C8orf34: variants seen among roughly 807,000 people sequenced by gnomAD.
C8orf34 encodes chromosome 8 open reading frame 34.
In C8orf34, 65 loss-of-function variants were observed where a neutral mutation model predicts 68.3. The observed-to-expected ratio is 0.95, with a 90% CI of 0.78 to 1.17. The LOEUF (loss-of-function observed/expected upper bound fraction) is 1.17, where lower values mean the gene tolerates loss of function less well. Ranked by LOEUF, C8orf34 falls within the 50% of genes most tolerant of loss-of-function variation. The pLI is 0.00. For synonymous variants in C8orf34, 244 were observed against 241.2 expected, an observed-to-expected ratio of 1.01 and a Z score of -0.11; for missense variants, 664 against 655.4, an observed-to-expected ratio of 1.01 and a Z score of -0.14.
intron 7 of C8orf34, among the ~76,000 whole-genome samples, chr8:68,545,752 T>A (rs1041987653): frequency 2.0e-5 from 3 of 152,120 alleles, no homozygotes; most frequent in African/African-American, 7.2e-5. Context: ...TAGAAGGAAA[T>A]GATACCAGAG....
intron 11 of C8orf34, among the ~76,000 whole-genome samples, chr8:68,782,572 A>C (rs1309783718): frequency 2.6e-5 from 4 of 151,980 alleles, no homozygotes; most frequent in African/African-American, 7.3e-5. Flanking sequence ...ATCCCATTCT[A>C]TCCCAAAAGA....
intron 12 of C8orf34, among the ~76,000 whole-genome samples, chr8:68,796,984 G>A (rs773261845): frequency 9.2e-5 from 14 of 151,924 alleles, no homozygotes; most frequent in South Asian, 2.1e-4. Flanking sequence ...ATGCCACCAC[G>A]CCTGGCTAAT....
intron 7 of C8orf34, among the ~76,000 whole-genome samples, chr8:68,597,223 A>G (rs556856688): frequency 6.6e-6 from 1 of 152,072 alleles, no homozygotes; most frequent in African/African-American, 2.4e-5. Flanking sequence ...CCCCCTTGGA[A>G]CAAGCAGCGA....
At chr8:68,635,871 T>G (rs923517915) in intron 7 of C8orf34, among the ~76,000 whole-genome samples, 2 of 152,166 alleles carry the variant, frequency 1.3e-5, no homozygotes, top group Non-Finnish European at 2.9e-5. Context: ...GACAAACCTT[T>G]AGATATTTGA....
intron 7 of C8orf34, among the ~76,000 whole-genome samples, chr8:68,616,683 A>G (rs1222563219): frequency 6.6e-6 from 1 of 152,006 alleles, no homozygotes; most frequent in Admixed American, 6.6e-5. Flanking sequence ...GTTCTTTTAC[A>G]TTTGCTGAGG....
intron 7 of C8orf34, among the ~76,000 whole-genome samples, 160 bp from the exon 8 acceptor site, chr8:68,640,216 A>G (rs551866038): frequency 1.7e-4 from 26 of 152,340 alleles, no homozygotes; most frequent in Non-Finnish European, 3.5e-4. Flanking sequence ...ACGTCTAGAA[A>G]TAATTTGAAA....
chr8:68,723,563 C>T (rs1412858173), intron 10 of C8orf34, among the ~76,000 whole-genome samples: 1 of 152,042 alleles, frequency 6.6e-6, no homozygotes, highest in East Asian at 1.9e-4. Flanking sequence ...AAGAAATGTT[C>T]TGCCATTTAT....
chr8:68,344,481 TG>T (rs1274157843), intron 1 of C8orf34, among the ~76,000 whole-genome samples: 3 of 152,192 alleles, frequency 2.0e-5, no homozygotes, highest in Non-Finnish European at 4.4e-5. Flanking sequence ...ATCCTGATTT[TG>T]TCAATATAAA....
intron 1 of C8orf34, chr8:68,437,980 G>A (rs1040094365): frequency 1.3e-5 from 2 of 152,228 alleles, no homozygotes; most frequent in Middle Eastern, 3.4e-3. Flanking sequence ...AATCTGGACA[G>A]CAGTTTCTTA....
chr8:68,590,069 A>AG (rs1817339985), intron 7 of C8orf34, among the ~76,000 whole-genome samples: 2 of 151,206 alleles, frequency 1.3e-5, no homozygotes, highest in Admixed American at 1.3e-4. Context: ...ACAAGAAAAG[A>AG]AAGAAAGGAA....
intron 7 of C8orf34, among the ~76,000 whole-genome samples, chr8:68,556,581 G>A (rs900830989): frequency 2.0e-5 from 3 of 152,032 alleles, no homozygotes; most frequent in East Asian, 1.9e-4. Context: ...CCCAGGATCC[G>A]GGCACAGGAG....
rs1253511919 is a variant in C8orf34, at chr8:68,746,109, G to A, written c.1404+24672G>A. The stretch of plus-strand genomic sequence containing the variant: ...CTCAAAACCACTCAATTACATGGAA[G>A]CTGAACAACCTGCTCCTGAATGACT... On this transcript the variant is annotated intron_variant, in intron 10 of 13. Transcript: ENST00000518698. 2.2e-3 allele frequency among the ~76,000 whole-genome samples: 341 copies of A among 152,266 alleles called. 3 individuals are homozygous for A. The highest frequency in any genetic ancestry group is 1.9e-3 in the Non-Finnish European group (126 of 68,020).
chr8:68,523,526 G>C (rs1240969957), intron 6 of C8orf34, among the ~76,000 whole-genome samples: 1 of 151,900 alleles, frequency 6.6e-6, no homozygotes, highest in Non-Finnish European at 1.5e-5. Context: ...ATTTTGCTCT[G>C]TCTTTAAATT....
intron 12 of C8orf34, among the ~76,000 whole-genome samples, chr8:68,796,314 G>C (rs1447109349): frequency 6.6e-6 from 1 of 152,068 alleles, no homozygotes; most frequent in Non-Finnish European, 1.5e-5. Context: ...TGCTTTTCAG[G>C]AGCCCCTGAT....
intron 1 of C8orf34, among the ~76,000 whole-genome samples, chr8:68,344,120 A>G (rs924055149): frequency 6.6e-6 from 1 of 152,186 alleles, no homozygotes; most frequent in Non-Finnish European, 1.5e-5. Flanking sequence ...CTGGTACATT[A>G]TGTTTCTAGA....
intron 7 of C8orf34, among the ~76,000 whole-genome samples, chr8:68,567,870 T>C (rs1174572254): frequency 6.6e-6 from 1 of 152,014 alleles, no homozygotes; most frequent in African/African-American, 2.4e-5. Context: ...TCAGCCTGTC[T>C]TGGCTTTCTA....
Position 68,787,528 on chromosome 8 carries a change from A to T in C8orf34, c.1541A>T (p.Gln514Leu). The change falls in exon 12 of 14, where the codon CAA (glutamine) becomes CTA (leucine). Residue 514 changes from glutamine to leucine, a missense_variant. Transcript: ENST00000518698. ...GAAAGTGAAGGAGTGGAAGCAGAAC[A>T]AGAGAAACGTGAGTAGACACTATTG... ...DTESEGVEAE[Q>L]EKRSADLLLC... is the part of the protein sequence containing the mutation. The T allele has an allele frequency of 1.2e-6, 2 of 1,607,834 alleles. No individual in the cohort carries two copies. The highest frequency in any genetic ancestry group is 1.7e-6 in the Non-Finnish European group (2 of 1,175,858).
chr8:68,602,724 A>G (rs1489191382), intron 7 of C8orf34, among the ~76,000 whole-genome samples: 2 of 151,950 alleles, frequency 1.3e-5, no homozygotes, highest in African/African-American at 4.8e-5. Context: ...GATGTGTGGG[A>G]TGGAGGCTCA....
chr8:68,484,237 C>T (rs1334215902), intron 4 of C8orf34, among the ~76,000 whole-genome samples: 1 of 152,178 alleles, frequency 6.6e-6, no homozygotes, highest in African/African-American at 2.4e-5. Context: ...CACTCACTAT[C>T]ATGAGAGCGG....
Sources: allele counts gnomAD v4.1 joint callset (sites outside exome capture counted in the v4.1 genomes callset), GRCh38; gene constraint gnomAD v4.1.1; transcripts MANE v1.5; gene names NCBI Gene and HGNC (gene_info 2026-07-23, HGNC 2026-07-21).